The following MAGI1 variants were observed in gnomAD, a reference collection of about 807,000 sequenced individuals.
MAGI1 encodes the protein membrane-associated guanylate kinase, WW and PDZ domain-containing protein 1.
A neutral mutation model predicts 139.9 loss-of-function variants in MAGI1; 58 were observed. The observed-to-expected ratio is 0.41, with a 90% CI of 0.34 to 0.52. MAGI1 has a LOEUF of 0.52. Among genes scored for constraint, MAGI1 ranks in the 20% least tolerant of loss-of-function variants. The probability of loss-of-function intolerance (pLI) is 0.12; values close to 1 mark genes in which losing one functional copy is unlikely to be tolerated. For synonymous variants in MAGI1, 812 were observed against 737.9 expected (o/e 1.10, Z -1.63); for missense variants, 1,874 against 1,901.6 (o/e 0.99, Z 0.27).
intron 2 of MAGI1, among the ~76,000 whole-genome samples, chr3:65,591,281 G>A (rs989371258): frequency 6.6e-6 from 1 of 151,904 alleles, no homozygotes; most frequent in Non-Finnish European, 1.5e-5. Context: ...TGACTATTCT[G>A]TCCTTCCAGT....
At chr3:65,674,160 T>C (rs986221490) in intron 1 of MAGI1, among the ~76,000 whole-genome samples, 5 of 152,194 alleles carry the variant, frequency 3.3e-5, no homozygotes, top group African/African-American at 1.2e-4. Context: ...ACATTAAAGA[T>C]ATAAGCAATG....
chr3:65,534,092 T>C (rs1381542430), intron 2 of MAGI1, among the ~76,000 whole-genome samples: 1 of 152,156 alleles, frequency 6.6e-6, no homozygotes, highest in African/African-American at 2.4e-5. Flanking sequence ...TGTTCCTGGA[T>C]TCCTGACCCT....
intron 1 of MAGI1, among the ~76,000 whole-genome samples, chr3:65,894,682 A>G (rs1262088321): frequency 6.6e-6 from 1 of 152,242 alleles, no homozygotes; most frequent in African/African-American, 2.4e-5. Context: ...GGTGCAAACC[A>G]TCCAATTAAG....
Position 65,470,497 on chromosome 3 carries a change from G to A in MAGI1, c.758-13C>T. On this transcript the variant is annotated splice_polypyrimidine_tract_variant and intron_variant, in intron 4 of 22. Coordinates refer to ENST00000402939, the MANE Select transcript of MAGI1 (RefSeq NM_001033057.2). ...TCACCAGAATCGGCTGCTTAATCAT[G>A]TGAAGAGGTGAGAGAGAGAGAGAGA... 1.3e-6 allele frequency: 2 copies of A among 1,565,118 alleles called. No individual in the cohort carries two copies. Among genetic ancestry groups the A allele is most frequent in the Non-Finnish European group, 8.8e-7 (1 of 1,141,538 alleles).
At chr3:65,712,507 G>C (rs1042014342) in intron 1 of MAGI1, among the ~76,000 whole-genome samples, 1 of 148,632 alleles carries the variant, frequency 6.7e-6, no homozygotes, top group Non-Finnish European at 1.5e-5. Context: ...TTTTGTTTTT[G>C]TTTTTGTTGT....
intron 1 of MAGI1, among the ~76,000 whole-genome samples, chr3:65,634,164 A>T (rs1442538727): frequency 1.3e-5 from 2 of 152,190 alleles, no homozygotes; most frequent in African/African-American, 4.8e-5. Context: ...AACAGAGGAG[A>T]CGGGACTCAA....
At chr3:65,881,149 G>T (rs1429610803) in intron 1 of MAGI1, among the ~76,000 whole-genome samples, 2 of 152,050 alleles carry the variant, frequency 1.3e-5, no homozygotes, top group Non-Finnish European at 1.5e-5. Flanking sequence ...GCCTCCCAAA[G>T]TGCTGGGATT....
chr3:65,516,184 C>G (rs2077867288), intron 2 of MAGI1, among the ~76,000 whole-genome samples: 2 of 152,020 alleles, frequency 1.3e-5, no homozygotes. Context: ...CCCTCTCTCT[C>G]TCTCTCTTTT....
Position 65,582,422 on chromosome 3 carries a change from T to C in MAGI1, c.430+39550A>G, listed in dbSNP as rs553024846. The stretch of plus-strand genomic sequence containing the variant: ...AAAAAAATCACAGTTAGCAACAATA[T>C]GCACAGGCCTTCCTCAATATTCTCA... On this transcript the variant is annotated intron_variant, in intron 2 of 22. Coordinates refer to ENST00000402939, the MANE Select transcript of MAGI1 (RefSeq NM_001033057.2). Among the ~76,000 whole-genome samples the C allele has an allele frequency of 3.3e-5, 5 of 152,304 alleles. No homozygotes were observed. The South Asian group carries it at 1.0e-3, about 32-fold the overall frequency.
chr3:65,642,929 A>G (rs978239494), intron 1 of MAGI1, among the ~76,000 whole-genome samples: 4 of 152,254 alleles, frequency 2.6e-5, no homozygotes, highest in Admixed American at 6.5e-5. Context: ...TGCAAGCCAA[A>G]TCAGCTTGAA....
intron 1 of MAGI1, among the ~76,000 whole-genome samples, chr3:65,784,667 T>C (rs996946974): frequency 3.9e-5 from 6 of 151,920 alleles, no homozygotes; most frequent in Non-Finnish European, 8.8e-5. Flanking sequence ...ATCGCGCCAC[T>C]GCACTCCAGC....
intron 15 of MAGI1, 127 bp from the exon 16 acceptor site, chr3:65,382,196 G>T: frequency 1.4e-6 from 1 of 710,678 alleles, no homozygotes; most frequent in Non-Finnish European, 2.3e-6. Context: ...CATTTATTGA[G>T]CACCCACTGT....
intron 2 of MAGI1, among the ~76,000 whole-genome samples, chr3:65,609,065 A>G (rs1328784813): frequency 6.6e-6 from 1 of 152,182 alleles, no homozygotes; most frequent in Non-Finnish European, 1.5e-5. Context: ...TAGCATCAGA[A>G]TCGTGGTTAC....
At chr3:65,813,341 T>C (rs921137857) in intron 1 of MAGI1, among the ~76,000 whole-genome samples, 2 of 151,944 alleles carry the variant, frequency 1.3e-5, no homozygotes, top group African/African-American at 4.8e-5. Flanking sequence ...TCCTACAGCA[T>C]GGCAAAACCA....
chr3:65,779,098 A>T (rs2107994620), intron 1 of MAGI1, among the ~76,000 whole-genome samples: 1 of 152,310 alleles, frequency 6.6e-6, no homozygotes, highest in African/African-American at 2.4e-5. Context: ...CAAAATGAAA[A>T]TTTTTTGACT....
chr3:65,769,474 GC>G (rs756411283), intron 1 of MAGI1, among the ~76,000 whole-genome samples: 2 of 152,038 alleles, frequency 1.3e-5, no homozygotes, highest in African/African-American at 4.8e-5. Flanking sequence ...GGGCAAGAGA[GC>G]AAGACTCTAA....
At chr3:66,015,285 T>G (rs567045175) in intron 1 of MAGI1, among the ~76,000 whole-genome samples, 1 of 152,084 alleles carries the variant, frequency 6.6e-6, no homozygotes, top group Non-Finnish European at 1.5e-5. Flanking sequence ...AAAATAAGCT[T>G]TGGATATATA....
chr3:65,474,691 T>C (rs762063254), intron 4 of MAGI1, among the ~76,000 whole-genome samples: 1 of 152,000 alleles, frequency 6.6e-6, no homozygotes, highest in African/African-American at 2.4e-5. Context: ...ATAAGCCAAG[T>C]CAAAGAAGAT....
At chr3:65,949,251 T>C (rs1366173887) in intron 1 of MAGI1, among the ~76,000 whole-genome samples, 3 of 152,220 alleles carry the variant, frequency 2.0e-5, no homozygotes, top group Non-Finnish European at 2.9e-5. Context: ...TGTGTCCCTA[T>C]ATTCTAGAAT....
Sources: gnomAD v4.1 joint callset for allele counts (sites outside exome capture counted in the v4.1 genomes callset) on GRCh38, gnomAD v4.1.1 for gene constraint, MANE v1.5 for transcripts, NCBI Gene and HGNC (gene_info 2026-07-23, HGNC 2026-07-21) for gene names.